The following RASA3 variants were observed in gnomAD, a reference collection of about 807,000 sequenced individuals.
The protein encoded by RASA3 is RAS p21 protein activator 3.
Under a neutral mutation model 110.0 loss-of-function variants are expected in RASA3, and 73 were observed. The observed-to-expected ratio is 0.66, with a 90% CI of 0.55 to 0.81. The LOEUF (loss-of-function observed/expected upper bound fraction) is 0.81. Ranked by LOEUF, RASA3 falls within the 30% of genes least tolerant of loss-of-function variation. RASA3 has a pLI of 0.00. For missense variants in RASA3, 976 were observed against 1,113.2 expected (o/e 0.88, Z 1.75); for synonymous variants, 500 against 451.4 (o/e 1.11, Z -1.37).
chr13:114,098,305 C>T (rs776197054), intron 1 of RASA3, among the ~76,000 whole-genome samples: 3 of 152,194 alleles, frequency 2.0e-5, no homozygotes, highest in Non-Finnish European at 2.9e-5. Flanking sequence ...GGACAGAGAA[C>T]AGGCGGACAA....
chr13:114,007,741 C>G, intron 17 of RASA3, 135 bp from the exon 18 acceptor site: 2 of 737,852 alleles, frequency 2.7e-6, no homozygotes. Context: ...CAAGTGAGTC[C>G]TTCCCCGAGG....
At chr13:113,980,027 CCTGTGTGTGCACCT>C (rs773302565) in intron 23 of RASA3, among the ~76,000 whole-genome samples, 8 of 139,762 alleles carry the variant, frequency 5.7e-5, no homozygotes, top group Non-Finnish European at 1.1e-4. Flanking sequence ...CACGTGTGCA[CCTGTGTGTGCACCT>C]CTGTGTGCCT....
Position 114,011,016 on chromosome 13 carries a change from G to C in RASA3, c.1590+155C>G, listed in dbSNP as rs1478697314. ...GAGGTGAGCGGGACGGGGACGCTCA[G>C]GTCCTGGGTTTCAAGAGAGGATGTG... On this transcript the variant is annotated intron_variant, in intron 16 of 23. Coordinates refer to ENST00000334062, the MANE Select transcript of RASA3 (RefSeq NM_007368.4). The surrounding 1 kb of genome is among the most constrained non-coding windows in gnomAD (Gnocchi z 4.8). 1.3e-5 allele frequency among the ~76,000 whole-genome samples: 2 copies of C among 152,292 alleles called. No individual in the cohort carries two copies. Among genetic ancestry groups the C allele is most frequent in the East Asian group, 3.9e-4 (2 of 5,182 alleles).
intron 7 of RASA3, 21 bp from the exon 8 acceptor site, chr13:114,024,376 A>G (rs775251990): frequency 1.9e-6 from 3 of 1,611,228 alleles, no homozygotes; most frequent in South Asian, 1.1e-5. Context: ...ACGAGAGAGA[A>G]AGCGCTGAGA....
chr13:114,024,588 G>C (rs2053993059), intron 7 of RASA3, among the ~76,000 whole-genome samples: 1 of 152,236 alleles, frequency 6.6e-6, no homozygotes, highest in South Asian at 2.1e-4. Context: ...CTGCCCCAAG[G>C]CTGTTCACGG....
chr13:114,102,712 G>A (rs997142476), intron 1 of RASA3, among the ~76,000 whole-genome samples: 1 of 152,186 alleles, frequency 6.6e-6, no homozygotes. Context: ...GTCACTGCCT[G>A]TCCTGCCTCA....
chr13:114,007,749 A>T (rs1477410388), intron 17 of RASA3, 143 bp from the exon 18 acceptor site: 10 of 710,334 alleles, frequency 1.4e-5, no homozygotes, highest in Admixed American at 2.1e-5. Flanking sequence ...TCCTTCCCCG[A>T]GGGCTGTGGG....
chr13:114,060,629 C>G (rs999252570), intron 2 of RASA3, among the ~76,000 whole-genome samples: 1 of 152,238 alleles, frequency 6.6e-6, no homozygotes. Context: ...AGGGCCAGGA[C>G]CGGACACGCC....
At chr13:113,999,516 C>G (rs888555498) in intron 20 of RASA3, 69 bp downstream of exon 20, 19 of 1,294,198 alleles carry the variant, frequency 1.5e-5, no homozygotes, top group Non-Finnish European at 2.1e-5. Context: ...GGGCCAGGTA[C>G]GGGAAGAGAG....
intron 3 of RASA3, among the ~76,000 whole-genome samples, chr13:114,045,556 C>T (rs2079039353): frequency 6.6e-6 from 1 of 152,028 alleles, no homozygotes; most frequent in South Asian, 2.1e-4. Flanking sequence ...GTGTCCCAGC[C>T]AGGGCCACGA....
intron 1 of RASA3, among the ~76,000 whole-genome samples, chr13:114,081,080 G>A (rs12875957): frequency 0.043 from 5,073 of 119,000 alleles, 366 homozygotes; most frequent in African/African-American, 0.16. Flanking sequence ...GCAGAGGGCC[G>A]TCCACCTAGA....
intron 4 of RASA3, among the ~76,000 whole-genome samples, chr13:114,034,289 C>T (rs1372762466): frequency 1.3e-5 from 2 of 152,286 alleles, no homozygotes. Context: ...CAAACTCTCT[C>T]AGGACAGAAG....
intron 1 of RASA3, among the ~76,000 whole-genome samples, chr13:114,122,427 C>A (rs1346719045): frequency 6.6e-6 from 1 of 152,226 alleles, no homozygotes; most frequent in South Asian, 2.1e-4. Flanking sequence ...TGCTAATGGC[C>A]CTGTCCATCA....
intron 1 of RASA3, among the ~76,000 whole-genome samples, chr13:114,124,238 G>A (rs991614313): frequency 5.3e-5 from 8 of 152,188 alleles, no homozygotes; most frequent in African/African-American, 4.8e-5. Context: ...ATTTGAAAAC[G>A]AAAACTAAGA....
At chr13:114,016,347 G>A in intron 12 of RASA3, 76 bp from the exon 13 acceptor site, 2 of 1,116,396 alleles carry the variant, frequency 1.8e-6, no homozygotes, top group Admixed American at 3.4e-5. Context: ...GGGGTCTCAG[G>A]CCTGGCTGAG....
chr13:114,042,513 C>G (rs2054433255), intron 3 of RASA3, among the ~76,000 whole-genome samples: 1 of 152,236 alleles, frequency 6.6e-6, no homozygotes, highest in African/African-American at 2.4e-5. Context: ...TTGGTCCAGT[C>G]ACTGAAGTGA....
intron 12 of RASA3, 81 bp downstream of exon 12, chr13:114,017,156 T>C (rs1029222828): frequency 7.7e-7 from 1 of 1,295,446 alleles, no homozygotes; most frequent in African/African-American, 1.5e-5. Flanking sequence ...GTGGTCTGGC[T>C]GGATCCCAGT....
At chr13:114,104,494 C>T (rs2080107226) in intron 1 of RASA3, among the ~76,000 whole-genome samples, 1 of 152,166 alleles carries the variant, frequency 6.6e-6, no homozygotes, top group African/African-American at 2.4e-5. Context: ...CAAGAACCGG[C>T]CTCTGCCTGA....
chr13:113,995,734 C>T (rs61967992), intron 21 of RASA3, among the ~76,000 whole-genome samples: 6,191 of 20,668 alleles, frequency 0.3, 1,602 homozygotes, highest in African/African-American at 0.54. Flanking sequence ...ATGGGGGGCC[C>T]GGCTGACGGG....
Sources: allele counts gnomAD v4.1 joint callset (sites outside exome capture counted in the v4.1 genomes callset), GRCh38; gene constraint gnomAD v4.1.1; non-coding constraint Gnocchi (gnomAD v3.1); transcripts MANE v1.5; gene names NCBI Gene and HGNC (gene_info 2026-07-23, HGNC 2026-07-21).